ASAP3: variants seen among roughly 807,000 people sequenced by gnomAD.
ASAP3 encodes the protein arf-GAP with SH3 domain, ANK repeat and PH domain-containing protein 3.
In ASAP3, 85 loss-of-function variants were observed where a neutral mutation model predicts 118.2. The ratio of observed to expected loss-of-function variants is 0.72; its 90% CI spans 0.60 to 0.86. The LOEUF (loss-of-function observed/expected upper bound fraction) is 0.86, where lower values mean the gene tolerates loss of function less well. ASAP3 is among the 40% of genes least tolerant of loss of function. The pLI, the probability that ASAP3 is intolerant of heterozygous loss-of-function variation, is 0.00. For missense variants in ASAP3, 1,026 were observed against 1,175.0 expected (o/e 0.87, Z 1.85); for synonymous variants, 432 against 477.4 (o/e 0.90, Z 1.24).
chr1:23,436,833 C>T lies in ASAP3; in HGVS notation c.1476+78G>A, dbSNP rs1212305443. 3 of 1,550,660 alleles carry T rather than the reference C, an allele frequency of 1.9e-6. No individual in the cohort carries two copies. The highest frequency in any genetic ancestry group is 4.6e-5 in the East Asian group (2 of 43,650). On this transcript the variant is annotated intron_variant, in intron 15 of 24. Transcript: ENST00000336689. The surrounding 1 kb of genome is among the most constrained non-coding windows in gnomAD (Gnocchi z 4.2). ...CACCTCGGCCAGGTCCCACCCACAA[C>T]CTGCAAGCCCCGCCCCCGGATGAAA...
intron 3 of ASAP3, among the ~76,000 whole-genome samples, chr1:23,454,570 C>T (rs764899801): frequency 4.6e-5 from 7 of 152,190 alleles, no homozygotes; most frequent in Non-Finnish European, 7.3e-5. Context: ...CCACACACCT[C>T]AGGCTCCTAA....
chr1:23,476,498 A>G (rs1642133595), intron 1 of ASAP3, among the ~76,000 whole-genome samples: 1 of 152,162 alleles, frequency 6.6e-6, no homozygotes, highest in Admixed American at 6.5e-5. Context: ...CCCGATCCAC[A>G]CCACCATCAT....
At chr1:23,443,269 A>G (rs1640935199) in intron 5 of ASAP3, among the ~76,000 whole-genome samples, 1 of 152,228 alleles carries the variant, frequency 6.6e-6, no homozygotes, top group Non-Finnish European at 1.5e-5. Context: ...TATACTGTGC[A>G]GTGGTGAAGC....
chr1:23,458,347 G>T (rs1558157648), intron 1 of ASAP3, among the ~76,000 whole-genome samples: 1 of 152,136 alleles, frequency 6.6e-6, no homozygotes, highest in Non-Finnish European at 1.5e-5. Context: ...AATTAGCTGG[G>T]TGTGGTGGGG....
At chr1:23,433,784 G>T (rs772271764) in intron 19 of ASAP3, 91 bp from the exon 20 acceptor site, 5 of 1,533,356 alleles carry the variant, frequency 3.3e-6, no homozygotes, top group Non-Finnish European at 4.5e-6. Flanking sequence ...CAGAATGTAT[G>T]GGTTTGAATC....
At chr1:23,476,224 T>C (rs981906567) in intron 1 of ASAP3, among the ~76,000 whole-genome samples, 7 of 151,802 alleles carry the variant, frequency 4.6e-5, no homozygotes, top group African/African-American at 1.7e-4. Flanking sequence ...CGGGCGCCTG[T>C]AGCCCCAGGT....
chr1:23,429,609 A>G lies in ASAP3; in HGVS notation c.*247T>C. 1 of 401,380 alleles carries G rather than the reference A, an allele frequency of 2.5e-6. No individual in the cohort carries two copies. The highest frequency in any genetic ancestry group is 4.5e-6 in the Non-Finnish European group (1 of 219,938). 24.9% of individuals were successfully genotyped at this position (401,380 alleles called of 1,614,324 possible). On this transcript the variant is annotated 3_prime_UTR_variant, in exon 25 of 25. Coordinates refer to ENST00000336689, the MANE Select transcript of ASAP3 (RefSeq NM_017707.4). ...AGCTCAGGAGCACTCAGATCCAGCC[A>G]CAGGGCTCCCAGGCCCCTAGCGGGT...
chr1:23,456,513 T>C (rs1434549800), intron 1 of ASAP3, among the ~76,000 whole-genome samples: 2 of 152,162 alleles, frequency 1.3e-5, no homozygotes, highest in East Asian at 1.9e-4. Flanking sequence ...ATCTTGCCTC[T>C]GGCAGTAGCT....
Position 23,436,035 on chromosome 1 carries a change from A to G in ASAP3, c.1572-7T>C. 2.5e-6 allele frequency: 4 copies of G among 1,613,914 alleles called. No individual in the cohort carries two copies. Among genetic ancestry groups the G allele is most frequent in the Non-Finnish European group, 3.4e-6 (4 of 1,179,762 alleles). ...GTAGTCCCTGCGGGTGCCCCTACCA[A>G]AAACAACCACAGGATCTCAGAGCAT... On this transcript the variant is annotated splice_region_variant and splice_polypyrimidine_tract_variant and intron_variant, in intron 16 of 24. Coordinates refer to ENST00000336689, the MANE Select transcript of ASAP3 (RefSeq NM_017707.4). The surrounding 1 kb of genome is among the most constrained non-coding windows in gnomAD (Gnocchi z 4.2).
chr1:23,453,176 T>C (rs1444863524), intron 3 of ASAP3, among the ~76,000 whole-genome samples: 1 of 152,176 alleles, frequency 6.6e-6, no homozygotes, highest in Non-Finnish European at 1.5e-5. Flanking sequence ...TCCCTTCTCC[T>C]CTCTGACTCT....
At chr1:23,454,466 G>A (rs545813667) in intron 3 of ASAP3, among the ~76,000 whole-genome samples, 2 of 152,204 alleles carry the variant, frequency 1.3e-5, no homozygotes, top group South Asian at 2.1e-4. Context: ...GATTACAGGC[G>A]TGAGCCACCG....
At chr1:23,430,121 C>G (rs1570317346) in intron 24 of ASAP3, among the ~76,000 whole-genome samples, 191 bp from the exon 25 acceptor site, 1 of 152,360 alleles carries the variant, frequency 6.6e-6, no homozygotes, top group African/African-American at 2.4e-5. Flanking sequence ...CAAGCTCTTG[C>G]TATCATACAC....
chr1:23,462,932 G>A (rs764530239), intron 1 of ASAP3, among the ~76,000 whole-genome samples: 3 of 152,160 alleles, frequency 2.0e-5, no homozygotes, highest in East Asian at 1.9e-4. Flanking sequence ...TGGGGAAGGC[G>A]TCCCTTAAGC....
Position 23,436,494 on chromosome 1 carries a change from G to C in ASAP3, c.1571+66C>G. 2 of 1,557,814 alleles carry C rather than the reference G, an allele frequency of 1.3e-6. No individual in the cohort carries two copies. Among genetic ancestry groups the C allele is most frequent in the East Asian group, 2.2e-5 (1 of 44,556 alleles). On this transcript the variant is annotated intron_variant, in intron 16 of 24. Transcript: ENST00000336689. This position sits in a 1 kb window ranked among gnomAD's most constrained non-coding sequence, Gnocchi z 4.2. ...GACTTCTGATCCAAGACTTTTCTACGACCCTGGACACTGCGGAGGCAGAAT... is the reference window on the plus strand; with the variant it reads ...GACTTCTGATCCAAGACTTTTCTACCACCCTGGACACTGCGGAGGCAGAAT...
rs1641255605 is a variant in ASAP3 at position 23,452,663 on chromosome 1, C to G, written c.423+34G>C. The G allele has an allele frequency of 2.5e-6, 4 of 1,605,368 alleles. No individual in the cohort carries two copies. The East Asian group carries it at 8.9e-5, about 36-fold the overall frequency. On this transcript the variant is annotated intron_variant, in intron 4 of 24. Coordinates refer to ENST00000336689, the MANE Select transcript of ASAP3 (RefSeq NM_017707.4). The stretch of plus-strand genomic sequence containing the variant: ...GTCTCCTGCCCACCCCTCTTTTACT[C>G]TGTCCCACCACCACTCCCAGCATGG...
intron 1 of ASAP3, among the ~76,000 whole-genome samples, chr1:23,472,356 A>C (rs1641989072): frequency 1.3e-5 from 2 of 152,162 alleles, no homozygotes; most frequent in South Asian, 4.1e-4. Flanking sequence ...TTTCGTAGAG[A>C]CAGGGTCTTG....
chr1:23,432,252 CTG>C (rs1640465790), intron 22 of ASAP3, among the ~76,000 whole-genome samples: 1 of 152,162 alleles, frequency 6.6e-6, no homozygotes, highest in East Asian at 1.9e-4. Flanking sequence ...GGTGATCCGC[CTG>C]CTTCGGCCTC....
rs1229113504 is a variant in ASAP3 at position 23,440,292 on chromosome 1, A to G, written c.944+810T>C. On this transcript the variant is annotated intron_variant, in intron 10 of 24. Transcript: ENST00000336689. Reference sequence around the variant, plus strand: ...TGAGGCTGGCAGATCACAAGGTCAGAAGATTGAGACCATCCTGGCTAACAC... The same window carrying G: ...TGAGGCTGGCAGATCACAAGGTCAGGAGATTGAGACCATCCTGGCTAACAC... Among the ~76,000 whole-genome samples, 122 of 136,824 alleles carry G rather than the reference A, an allele frequency of 8.9e-4. No homozygotes were observed. The Middle Eastern group carries it at 0.031, about 35-fold the overall frequency. 89.8% of individuals were successfully genotyped at this position (136,824 alleles called of 152,430 possible).
chr1:23,484,306 C>T, upstream of ASAP3: 2 of 594,696 alleles, frequency 3.4e-6, no homozygotes, highest in Non-Finnish European at 4.6e-6. Context: ...GCTGGGACGG[C>T]CCCGCCCCCG....
Sources: gnomAD v4.1 joint callset for allele counts (sites outside exome capture counted in the v4.1 genomes callset) on GRCh38, gnomAD v4.1.1 for gene constraint, Gnocchi (gnomAD v3.1) non-coding constraint, MANE v1.5 for transcripts, NCBI Gene and HGNC (gene_info 2026-07-23, HGNC 2026-07-21) for gene names.